Variants in AHCYL2 observed in about 807,000 individuals in gnomAD.
AHCYL2 encodes adenosylhomocysteinase like 2.
Under a neutral mutation model 81.4 loss-of-function variants are expected in AHCYL2, and 28 were observed. The observed-to-expected ratio is 0.34, with a 90% CI of 0.25 to 0.47. The LOEUF (loss-of-function observed/expected upper bound fraction) is 0.47. Ranked by LOEUF, AHCYL2 falls within the 20% of genes least tolerant of loss-of-function variation. The pLI, the probability that AHCYL2 is intolerant of heterozygous loss-of-function variation, is 1.00. For missense variants in AHCYL2, 551 were observed against 785.1 expected (o/e 0.70, Z 3.56); for synonymous variants, 272 against 290.2 (o/e 0.94, Z 0.64).
At chr7:129,399,002 T>C (rs1171654859) in intron 5 of AHCYL2, among the ~76,000 whole-genome samples, 1 of 147,388 alleles carries the variant, frequency 6.8e-6, no homozygotes, top group Non-Finnish European at 1.5e-5. Context: ...ATTAGCTGAG[T>C]GTGGTGGTGC....
At chr7:129,283,118 C>T (rs1275402078) in intron 1 of AHCYL2, among the ~76,000 whole-genome samples, 1 of 152,134 alleles carries the variant, frequency 6.6e-6, no homozygotes, top group African/African-American at 2.4e-5. Flanking sequence ...TGCAGAGCTC[C>T]AGGTGCTCCC....
chr7:129,248,988 A>T (rs1795153455), intron 1 of AHCYL2, among the ~76,000 whole-genome samples: 1 of 144,766 alleles, frequency 6.9e-6, no homozygotes, highest in Admixed American at 7.4e-5. Context: ...AAGTTTACTA[A>T]CAATAAACTT....
At chr7:129,257,616 C>A (rs1017586844) in intron 1 of AHCYL2, among the ~76,000 whole-genome samples, 7 of 152,092 alleles carry the variant, frequency 4.6e-5, no homozygotes, top group African/African-American at 1.7e-4. Flanking sequence ...ACCTTGTAAC[C>A]CAGCAACTTT....
chr7:129,392,748 T>A (rs1795531898), intron 4 of AHCYL2, among the ~76,000 whole-genome samples: 1 of 152,238 alleles, frequency 6.6e-6, no homozygotes, highest in Admixed American at 6.5e-5. Flanking sequence ...TTTCGCTTGT[T>A]GTTCTGATAA....
rs540041660 is a variant in AHCYL2 at position 129,283,015 on chromosome 7, T to C, written c.363+57576T>C. Among the ~76,000 whole-genome samples, 7 of 152,276 alleles carry C rather than the reference T, an allele frequency of 4.6e-5. No homozygotes were observed. In the East Asian group the frequency reaches 1.4e-3, roughly 29 times the overall value. On this transcript the variant is annotated intron_variant, in intron 1 of 16. Transcript: ENST00000325006. Reference sequence around the variant, plus strand: ...GGAACAGGCATTGTTCTTGTTCTGTTTGAGTGCCAGTTAGTGTTCCCTCTA... The same window carrying C: ...GGAACAGGCATTGTTCTTGTTCTGTCTGAGTGCCAGTTAGTGTTCCCTCTA...
chr7:129,333,566 G>A (rs890430610), intron 1 of AHCYL2, among the ~76,000 whole-genome samples: 3 of 152,094 alleles, frequency 2.0e-5, no homozygotes, highest in East Asian at 1.9e-4. Flanking sequence ...GAGGTAATAC[G>A]TTATTATGAG....
chr7:129,265,523 G>A (rs939916493), intron 1 of AHCYL2, among the ~76,000 whole-genome samples: 1 of 152,040 alleles, frequency 6.6e-6, no homozygotes, highest in African/African-American at 2.4e-5. Context: ...GTTCTGAGGG[G>A]GTGTGTGTGG....
chr7:129,394,140 C>A (rs1453474863), intron 4 of AHCYL2, among the ~76,000 whole-genome samples: 1 of 152,070 alleles, frequency 6.6e-6, no homozygotes, highest in Non-Finnish European at 1.5e-5. Flanking sequence ...TCCCAAGTAA[C>A]TGGGACTACA....
chr7:129,410,349 G>C (rs957151949), intron 11 of AHCYL2: 2 of 1,614,042 alleles, frequency 1.2e-6, no homozygotes, highest in Admixed American at 1.7e-5. Context: ...AGCTCTAGGC[G>C]TGTTGGTTTC....
chr7:129,412,456 A>G (rs1796630107), intron 11 of AHCYL2, among the ~76,000 whole-genome samples: 2 of 150,986 alleles, frequency 1.3e-5, no homozygotes, highest in East Asian at 2.0e-4. Context: ...AATTTTTTGT[A>G]TTTTAGTAGA....
intron 1 of AHCYL2, among the ~76,000 whole-genome samples, chr7:129,332,693 T>G (rs1346440164): frequency 1.3e-5 from 2 of 152,172 alleles, no homozygotes. Context: ...TGAACATAAT[T>G]TGAGCCGATC....
rs1294548131 is a variant in AHCYL2 at position 129,389,038 on chromosome 7, T to C, written c.476-18T>C. 1.3e-6 allele frequency: 2 copies of C among 1,592,868 alleles called. No individual in the cohort carries two copies. Among genetic ancestry groups the C allele is most frequent in the Admixed American group, 1.9e-5 (1 of 52,390 alleles). ...AGCATTTTTTTTTTTCCGAGTGTTT[T>C]TTATTCTGTCATTCCAGCGGCTTCA... On this transcript the variant is annotated intron_variant, in intron 2 of 16. Coordinates refer to ENST00000325006, the MANE Select transcript of AHCYL2 (RefSeq NM_015328.4).
At chr7:129,330,502 A>T (rs1190217312) in intron 1 of AHCYL2, among the ~76,000 whole-genome samples, 1 of 141,272 alleles carries the variant, frequency 7.1e-6, no homozygotes. Context: ...ACGGAGTCTC[A>T]CTCTGTCGTC....
chr7:129,291,381 G>A (rs1450985549), intron 1 of AHCYL2, among the ~76,000 whole-genome samples: 2 of 152,100 alleles, frequency 1.3e-5, no homozygotes, highest in Non-Finnish European at 2.9e-5. Flanking sequence ...TATAGATTAA[G>A]TAATTGAAGC....
At chr7:129,417,384 G>T (rs1334100237) in intron 12 of AHCYL2, among the ~76,000 whole-genome samples, 3 of 152,354 alleles carry the variant, frequency 2.0e-5, no homozygotes, top group African/African-American at 4.8e-5. Flanking sequence ...ATAGCCCATT[G>T]TAAGAACTCC....
At chr7:129,327,663 A>G (rs1164306314) in intron 1 of AHCYL2, among the ~76,000 whole-genome samples, 1 of 152,058 alleles carries the variant, frequency 6.6e-6, no homozygotes, top group East Asian at 1.9e-4. Context: ...ACGAGGTTTT[A>G]CCATCTTGGC....
intron 1 of AHCYL2, among the ~76,000 whole-genome samples, chr7:129,288,496 A>G (rs1002319242): frequency 6.6e-6 from 1 of 151,942 alleles, no homozygotes; most frequent in East Asian, 1.9e-4. Context: ...AATAGCTGGG[A>G]TTACAGAGGC....
At chr7:129,269,673 C>T (rs1220761816) in intron 1 of AHCYL2, among the ~76,000 whole-genome samples, 1 of 152,138 alleles carries the variant, frequency 6.6e-6, no homozygotes, top group Non-Finnish European at 1.5e-5. Context: ...TCGGCTCAAG[C>T]AGCCCTCCTG....
At chr7:129,376,278 G>A (rs980813066) in intron 1 of AHCYL2, among the ~76,000 whole-genome samples, 1 of 152,174 alleles carries the variant, frequency 6.6e-6, no homozygotes, top group Non-Finnish European at 1.5e-5. Context: ...TTAAGAGGAG[G>A]TAAACACCAG....
Sources: allele counts gnomAD v4.1 joint callset (sites outside exome capture counted in the v4.1 genomes callset), GRCh38; gene constraint gnomAD v4.1.1; transcripts MANE v1.5; gene names NCBI Gene and HGNC (gene_info 2026-07-23, HGNC 2026-07-21).